Variants in ITIH5 observed in about 807,000 individuals in gnomAD.
ITIH5 encodes the protein inter-alpha-trypsin inhibitor heavy chain 5.
In ITIH5, 65 loss-of-function variants were observed where a neutral mutation model predicts 77.5. That is an observed-to-expected ratio of 0.84 (90% CI 0.69 to 1.03). ITIH5 has a LOEUF of 1.03. Ranked by LOEUF, ITIH5 falls within the 50% of genes least tolerant of loss-of-function variation. The pLI is 0.00. For synonymous variants in ITIH5, 525 were observed against 494.3 expected (o/e 1.06, Z -0.82); for missense variants, 1,208 against 1,213.1 (o/e 1.00, Z 0.06).
At chr10:7,623,796 C>G (rs1470284534) in intron 5 of ITIH5, among the ~76,000 whole-genome samples, 1 of 121,828 alleles carries the variant, frequency 8.2e-6, no homozygotes, top group Non-Finnish European at 1.7e-5. Context: ...GAGTAAGACT[C>G]CATCTCAAAA....
At chr10:7,639,966 T>C (rs1460090698) in intron 4 of ITIH5, among the ~76,000 whole-genome samples, 1 of 151,740 alleles carries the variant, frequency 6.6e-6, no homozygotes, top group African/African-American at 2.4e-5. Context: ...CACTGTTGGA[T>C]TGATGGAAGA....
chr10:7,583,374 C>G (rs7896218), intron 8 of ITIH5, among the ~76,000 whole-genome samples: 1 of 152,038 alleles, frequency 6.6e-6, no homozygotes, highest in African/African-American at 2.4e-5. Flanking sequence ...ACTCTGTCAC[C>G]GGGGCTGGAG....
chr10:7,612,671 T>G (rs1376679276), intron 7 of ITIH5, among the ~76,000 whole-genome samples: 1 of 151,944 alleles, frequency 6.6e-6, no homozygotes, highest in East Asian at 1.9e-4. Flanking sequence ...TTTTTTTTTT[T>G]TTTAGAAAGG....
rs762594070 is a variant in ITIH5, at chr10:7,576,887, G to A, written c.1544C>T (p.Ala515Val). 1.4e-5 allele frequency: 22 copies of A among 1,613,970 alleles called. No homozygotes were observed. Among genetic ancestry groups the A allele is most frequent in the East Asian group, 2.2e-5 (1 of 44,892 alleles). ...NYFNGSEIIIAGKLVDRKLDH... is the reference protein window; with the variant it reads ...NYFNGSEIIIVGKLVDRKLDH... ...CAGCTTCCTGTCCACCAGCTTCCCC[G>A]CAATGATGATCTCCGAGCCGTTGAA... Residue 515 changes from alanine to valine, a missense_variant, in exon 10 of 14, where the codon GCG becomes GTG. Transcript: ENST00000397146.
chr10:7,585,964 A>C lies in ITIH5; in HGVS notation c.1045T>G (p.Ser349Ala), dbSNP rs773861530. ...TCCCTGATGCTGTCTGGAGTGACTGATATCAAGTGGTCCTTCCATACTTTG... is the reference window on the plus strand; with the variant it reads ...TCCCTGATGCTGTCTGGAGTGACTGCTATCAAGTGGTCCTTCCATACTTTG... ...RIKVWKDHLI[S>A]VTPDSIRDGK... The change falls in exon 8 of 14, where the codon TCA becomes GCA. Residue 349 changes from serine to alanine, a missense_variant. Coordinates refer to ENST00000397146, the MANE Select transcript of ITIH5 (RefSeq NM_030569.7). 6.2e-7 allele frequency: 1 copy of C among 1,614,084 alleles called. No individual in the cohort carries two copies.
At position 7,644,941 on chromosome 10, in the gene ITIH5, T is replaced by TATATATATCAC. The variant is rs1564278574; in HGVS notation, c.136-2852_136-2851insGTGATATATAT. Among the ~76,000 whole-genome samples the TATATATATCAC allele has an allele frequency of 9.4e-3, 114 of 12,186 alleles. 1 individual carries two copies. The East Asian group carries it at 0.15, about 17-fold the overall frequency. The allele number at this position is 12,186 out of a possible 152,430, so 8.0% of individuals were successfully genotyped here. A position where few individuals can be genotyped will look rare whatever the true frequency, so the allele number is the denominator to read the frequency against. On this transcript the variant is annotated intron_variant, in intron 2 of 13. Coordinates refer to ENST00000397146, the MANE Select transcript of ITIH5 (RefSeq NM_030569.7). ...ATATATATCACATATATATATCACA[T>TATATATATCAC]ATATATATATCACACATATATATAT...
rs1335256395 is a variant in ITIH5, at chr10:7,644,577, C to CATATATATG, written c.136-2488_136-2487insCATATATAT. ...TATCACATATATATGATATATATCA[C>CATATATATG]ATATATCACATATATATCATACATA... On this transcript the variant is annotated intron_variant, in intron 2 of 13. Transcript: ENST00000397146. Among the ~76,000 whole-genome samples, 22 of 58,360 alleles carry CATATATATG rather than the reference C, an allele frequency of 3.8e-4. 3 individuals are homozygous for CATATATATG. Among genetic ancestry groups the CATATATATG allele is most frequent in the South Asian group, 5.9e-4 (1 of 1,682 alleles). 38.3% of individuals were successfully genotyped at this position (58,360 alleles called of 152,430 possible). A position where few individuals can be genotyped will look rare whatever the true frequency, so the allele number is the denominator to read the frequency against.
At chr10:7,569,475 C>A in intron 12 of ITIH5, 193 bp downstream of exon 12, 1 of 439,184 alleles carries the variant, frequency 2.3e-6, no homozygotes, top group Non-Finnish European at 4.0e-6. Flanking sequence ...CAAGGTCACA[C>A]GGCACTTGTC....
Position 7,637,274 on chromosome 10 carries a change from C to A in ITIH5, c.606G>T (p.Val202=). 2 of 1,611,760 alleles carry A rather than the reference C, an allele frequency of 1.2e-6. No homozygotes were observed. Among genetic ancestry groups the A allele is most frequent in the Middle Eastern group, 1.6e-4 (1 of 6,062 alleles). The part of the protein sequence containing the change: ...LESAGIASLE[V]LPLHNSRQRG... ...TCTGCCTGCTGTTGTGAAGCGGCAG[C>A]ACCTCCAGGGATGCGATGCCCGCGC... Residue 202 remains valine (V), a synonymous_variant, in exon 5 of 14, where the codon GTG becomes GTT. Coordinates refer to ENST00000397146, the MANE Select transcript of ITIH5 (RefSeq NM_030569.7).
intron 7 of ITIH5, among the ~76,000 whole-genome samples, chr10:7,612,833 C>T (rs867425602): frequency 1.2e-4 from 19 of 152,104 alleles, no homozygotes; most frequent in Non-Finnish European, 1.9e-4. Context: ...CTAATTAACA[C>T]GGTATTCTGT....
At chr10:7,651,053 T>C (rs532241040) in intron 2 of ITIH5, among the ~76,000 whole-genome samples, 1 of 122,530 alleles carries the variant, frequency 8.2e-6, no homozygotes, top group South Asian at 2.8e-4. Context: ...CAGACACACA[T>C]ATGACTGGTC....
chr10:7,616,783 G>A (rs1377346670), intron 6 of ITIH5, among the ~76,000 whole-genome samples: 4 of 151,970 alleles, frequency 2.6e-5, no homozygotes, highest in Non-Finnish European at 4.4e-5. Flanking sequence ...AGCCGAGATC[G>A]GCCACTGCAC....
At chr10:7,585,844 AAAAAAAAAAC>A in intron 8 of ITIH5, 47 bp downstream of exon 8, 1 of 1,471,628 alleles carries the variant, frequency 6.8e-7, no homozygotes. Flanking sequence ...AAAAAAACCA[AAAAAAAAAAC>A]ATTATTTCAA....
intron 7 of ITIH5, among the ~76,000 whole-genome samples, chr10:7,606,661 C>T (rs1181681210): frequency 6.6e-6 from 1 of 152,176 alleles, no homozygotes; most frequent in African/African-American, 2.4e-5. Context: ...ATGAAATAAT[C>T]TGTACACCAA....
At position 7,566,528 on chromosome 10, in the gene ITIH5, G is replaced by T. The variant is rs554492523; in HGVS notation, c.2150-121C>A. ...GGATTGCCTGAGTCCAGGAGTTCAA[G>T]ACCAGCCTGGGCAACACAGAGACCC... is the stretch of plus-strand genomic sequence containing the variant. On this transcript the variant is annotated intron_variant, in intron 12 of 13. Coordinates refer to ENST00000397146, the MANE Select transcript of ITIH5 (RefSeq NM_030569.7). 121 of 883,776 alleles carry T rather than the reference G, an allele frequency of 1.4e-4. No homozygotes were observed. The South Asian group carries it at 2.0e-3, about 15-fold the overall frequency. The allele number at this position is 883,776 out of a possible 1,614,324, so 54.7% of individuals were successfully genotyped here. A position where few individuals can be genotyped will look rare whatever the true frequency, so the allele number is the denominator to read the frequency against.
chr10:7,579,677 C>T (rs571399515), intron 9 of ITIH5, 78 bp downstream of exon 9: 8 of 1,421,446 alleles, frequency 5.6e-6, no homozygotes, highest in African/African-American at 5.6e-5. Flanking sequence ...CAGCAACACA[C>T]TCCTCTCTGA....
At chr10:7,578,907 C>A (rs1186339469) in intron 9 of ITIH5, among the ~76,000 whole-genome samples, 1 of 152,194 alleles carries the variant, frequency 6.6e-6, no homozygotes, top group Non-Finnish European at 1.5e-5. Flanking sequence ...CATTTATTCT[C>A]CACCTCAAAA....
chr10:7,572,873 G>A lies in ITIH5; in HGVS notation c.2032+269C>T, dbSNP rs1832331167. ...GCTCACTGTAACCTCAACTTCCCAG[G>A]TTCAAGTGATTCTCCTGCCTCAGCC... is the stretch of plus-strand genomic sequence containing the variant. On this transcript the variant is annotated intron_variant, in intron 11 of 13. Coordinates refer to ENST00000397146, the MANE Select transcript of ITIH5 (RefSeq NM_030569.7). 8 of 273,554 alleles carry A rather than the reference G, an allele frequency of 2.9e-5. No homozygotes were observed. The East Asian group carries it at 6.6e-4, about 22-fold the overall frequency. 16.9% of individuals were successfully genotyped at this position (273,554 alleles called of 1,614,324 possible).
chr10:7,597,464 G>A (rs1195605509), intron 7 of ITIH5, among the ~76,000 whole-genome samples: 1 of 152,204 alleles, frequency 6.6e-6, no homozygotes, highest in Non-Finnish European at 1.5e-5. Flanking sequence ...ACAGTGAGGA[G>A]AATGGAAATG....
Sources: gnomAD v4.1 joint callset for allele counts (sites outside exome capture counted in the v4.1 genomes callset) on GRCh38, gnomAD v4.1.1 for gene constraint, MANE v1.5 for transcripts, NCBI Gene and HGNC (gene_info 2026-07-23, HGNC 2026-07-21) for gene names.